The following ASPH variants were observed in gnomAD, a reference collection of about 807,000 sequenced individuals.
The protein encoded by ASPH is aspartate beta-hydroxylase.
In ASPH, 100 loss-of-function variants were observed where a neutral mutation model predicts 118.4. The ratio of observed to expected loss-of-function variants is 0.84; its 90% CI spans 0.72 to 1.00. The LOEUF (loss-of-function observed/expected upper bound fraction) is 1.00. ASPH is among the 50% of genes least tolerant of loss of function. The pLI is 0.00. For missense variants in ASPH, 920 were observed against 919.5 expected (o/e 1.00, Z -0.01); for synonymous variants, 315 against 325.6 (o/e 0.97, Z 0.35).
intron 14 of ASPH, among the ~76,000 whole-genome samples, chr8:61,590,463 G>T (rs1162708717): frequency 6.6e-6 from 1 of 152,016 alleles, no homozygotes; most frequent in Admixed American, 6.6e-5. Flanking sequence ...CATGCAAAGG[G>T]ACATAGCATC....
chr8:61,576,851 A>G lies in ASPH; in HGVS notation c.1070T>C (p.Ile357Thr), dbSNP rs752884992. 1.2e-6 allele frequency: 2 copies of G among 1,606,018 alleles called. No homozygotes were observed. Among genetic ancestry groups the G allele is most frequent in the African/African-American group, 2.7e-5 (2 of 74,848 alleles). Reference sequence around the variant, plus strand: ...TTTAAATGCATTCACTGCTTCCTCAATTTTTCCCTGTTAGAAAGACAAAAT... The same window carrying G: ...TTTAAATGCATTCACTGCTTCCTCAGTTTTTCCCTGTTAGAAAGACAAAAT... ...AAEKLRKRGK[I>T]EEAVNAFKEL... The change falls in exon 16 of 25, where the codon ATT (isoleucine) becomes ACT (threonine). Residue 357 changes from isoleucine (I) to threonine (T), a missense_variant. By Grantham distance (89) the Ile-to-Thr change is moderately conservative (BLOSUM62 -1). Transcript: ENST00000379454.
At chr8:61,598,065 TACA>T (rs1335643239) in intron 14 of ASPH, among the ~76,000 whole-genome samples, 1 of 151,976 alleles carries the variant, frequency 6.6e-6, no homozygotes, top group Non-Finnish European at 1.5e-5. Flanking sequence ...GCAAAAAATA[TACA>T]ACAACAACAA....
At chr8:61,599,498 A>G (rs1843358831) in intron 14 of ASPH, among the ~76,000 whole-genome samples, 1 of 151,856 alleles carries the variant, frequency 6.6e-6, no homozygotes, top group Admixed American at 6.6e-5. Context: ...AAAAGAAAAG[A>G]AAAACAAAAT....
intron 14 of ASPH, among the ~76,000 whole-genome samples, chr8:61,611,582 T>C (rs1403317318): frequency 6.6e-6 from 1 of 152,142 alleles, no homozygotes; most frequent in East Asian, 1.9e-4. Context: ...CATTTCCCAA[T>C]AGAGGAGATA....
chr8:61,505,224 G>A (rs1012260122), intron 24 of ASPH, among the ~76,000 whole-genome samples: 2 of 152,106 alleles, frequency 1.3e-5, no homozygotes, highest in Non-Finnish European at 1.5e-5. Flanking sequence ...AGCTGGATGC[G>A]GTGGCTCACG....
rs1408505701 is a variant in ASPH at position 61,553,084 on chromosome 8, C to T, written c.1573G>A (p.Gly525Arg). 1.9e-6 allele frequency: 3 copies of T among 1,613,564 alleles called. No individual in the cohort carries two copies. The highest frequency in any genetic ancestry group is 1.1e-5 in the South Asian group (1 of 91,066). Residue 525 changes from glycine to arginine, a missense_variant, in exon 20 of 25, where the codon GGG becomes AGG. By Grantham distance (125) the Gly-to-Arg change is moderately radical. Coordinates refer to ENST00000379454, the MANE Select transcript of ASPH (RefSeq NM_004318.4). ...IESGDPGTDD[G>R]RFYFHLGDAM... Reference sequence around the variant, plus strand: ...TCCCCCAGGTGGAAATAAAATCTCCCATCATCAGTGCCAGGATCTCCGGAT... The same window carrying T: ...TCCCCCAGGTGGAAATAAAATCTCCTATCATCAGTGCCAGGATCTCCGGAT...
intron 21 of ASPH, among the ~76,000 whole-genome samples, chr8:61,538,373 T>A (rs894949771): frequency 6.6e-6 from 1 of 152,258 alleles, no homozygotes; most frequent in Admixed American, 6.5e-5. Flanking sequence ...TAAGCTATTA[T>A]GTTAATCTTA....
chr8:61,543,532 A>C (rs562614973), intron 21 of ASPH, among the ~76,000 whole-genome samples: 27 of 152,266 alleles, frequency 1.8e-4, no homozygotes, highest in Non-Finnish European at 2.6e-4. Flanking sequence ...ATTTCTTTTA[A>C]GTCTTTAGAC....
At chr8:61,686,625 C>T (rs1332152641) in intron 1 of ASPH, among the ~76,000 whole-genome samples, 2 of 152,108 alleles carry the variant, frequency 1.3e-5, no homozygotes, top group Non-Finnish European at 2.9e-5. Flanking sequence ...AATCCATTTG[C>T]GTACAACACT....
chr8:61,548,396 C>T (rs1408059619), intron 20 of ASPH, among the ~76,000 whole-genome samples, 188 bp from the exon 21 acceptor site: 2 of 152,070 alleles, frequency 1.3e-5, no homozygotes, highest in African/African-American at 2.4e-5. Flanking sequence ...CTGATTATGA[C>T]CTATTTGTAT....
intron 3 of ASPH, chr8:61,663,373 T>G: frequency 1.0e-6 from 1 of 985,340 alleles, no homozygotes; most frequent in Non-Finnish European, 1.2e-6. Context: ...GAATTATCTC[T>G]CCCAGAGCCA....
At chr8:61,655,608 T>C (rs935746750) in intron 3 of ASPH, among the ~76,000 whole-genome samples, 4 of 152,222 alleles carry the variant, frequency 2.6e-5, no homozygotes, top group African/African-American at 4.8e-5. Context: ...AAAGTCATAA[T>C]GCTACGTGTT....
chr8:61,619,104 C>CATTTAAGAATCA, intron 13 of ASPH, 85 bp from the exon 14 acceptor site: 1 of 961,072 alleles, frequency 1.0e-6, no homozygotes, highest in East Asian at 2.7e-5. Flanking sequence ...TAAATGAATT[C>CATTTAAGAATCA]AATAAGTATA....
intron 14 of ASPH, among the ~76,000 whole-genome samples, chr8:61,605,146 T>A (rs893377916): frequency 2.6e-5 from 4 of 152,186 alleles, no homozygotes; most frequent in African/African-American, 7.2e-5. Context: ...TAGAAAAATA[T>A]CCCTGAAGAA....
chr8:61,693,811 A>G (rs947416241), intron 1 of ASPH, among the ~76,000 whole-genome samples: 2 of 152,136 alleles, frequency 1.3e-5, no homozygotes, highest in African/African-American at 2.4e-5. Context: ...TGGCCATCTT[A>G]GACTCCACAG....
At chr8:61,675,442 TAA>T in intron 3 of ASPH, 1 of 984,636 alleles carries the variant, frequency 1.0e-6, no homozygotes, top group African/African-American at 1.7e-5. Context: ...CTGAAAACAG[TAA>T]GTTAACTTAC....
intron 24 of ASPH, among the ~76,000 whole-genome samples, chr8:61,512,720 G>A (rs1289394556): frequency 6.6e-6 from 1 of 152,148 alleles, no homozygotes; most frequent in African/African-American, 2.4e-5. Flanking sequence ...TAATTATACA[G>A]GATTGCCATA....
chr8:61,614,118 C>A (rs1258587113), intron 14 of ASPH, among the ~76,000 whole-genome samples: 2 of 151,542 alleles, frequency 1.3e-5, no homozygotes, highest in African/African-American at 4.9e-5. Context: ...TTGTTAGGGC[C>A]CTGATTATGA....
chr8:61,551,201 C>T (rs1424163603), intron 20 of ASPH, among the ~76,000 whole-genome samples: 1 of 152,108 alleles, frequency 6.6e-6, no homozygotes, highest in East Asian at 1.9e-4. Flanking sequence ...CCCCGTCTTC[C>T]TGCCCATACT....
Sources: gnomAD v4.1 joint callset for allele counts (sites outside exome capture counted in the v4.1 genomes callset) on GRCh38, gnomAD v4.1.1 for gene constraint, MANE v1.5 for transcripts, NCBI Gene and HGNC (gene_info 2026-07-23, HGNC 2026-07-21) for gene names.